The following DLGAP2 variants were observed in gnomAD, a reference collection of about 807,000 sequenced individuals.
DLGAP2 encodes DLG associated protein 2.
In DLGAP2, 26 loss-of-function variants were observed where a neutral mutation model predicts 100.3. The ratio of observed to expected loss-of-function variants is 0.26; its 90% confidence interval spans 0.19 to 0.36. The LOEUF (loss-of-function observed/expected upper bound fraction) is 0.36. Ranked by LOEUF, DLGAP2 falls within the 10% of genes least tolerant of loss-of-function variation. The pLI is 1.00. For synonymous variants in DLGAP2, 886 were observed against 630.1 expected (o/e 1.41, Z -6.08); for missense variants, 1,858 against 1,453.2 (o/e 1.28, Z -4.53).
At chr8:1,195,711 A>G (rs1373914111) in intron 2 of DLGAP2, among the ~76,000 whole-genome samples, 3 of 152,130 alleles carry the variant, frequency 2.0e-5, no homozygotes, top group Non-Finnish European at 4.4e-5. Context: ...CGTGTGTTGT[A>G]TGTCAGAACG....
chr8:1,115,181 G>A (rs906290075), intron 2 of DLGAP2, among the ~76,000 whole-genome samples: 9 of 152,232 alleles, frequency 5.9e-5, no homozygotes, highest in African/African-American at 2.2e-4. Context: ...TTGGGGTAGA[G>A]TGTTCTATAG....
In DLGAP2 at chr8:1,650,061, A is replaced by T. The variant is rs541578846; in HGVS notation, c.1810+17015A>T. ...AATATGCGGGCAGGTTACATTTCCA[A>T]GTCTTTCAGTGGCAGGATATGCTCC... On this transcript the variant is annotated intron_variant, in intron 8 of 14. Transcript: ENST00000637795. Among the ~76,000 whole-genome samples the T allele has an allele frequency of 6.6e-5, 10 of 152,364 alleles. No homozygotes were observed. In the South Asian group the frequency reaches 2.1e-3, roughly 32 times the overall value.
chr8:1,046,187 T>A (rs1416465634), intron 2 of DLGAP2, among the ~76,000 whole-genome samples: 1 of 152,222 alleles, frequency 6.6e-6, no homozygotes, highest in African/African-American at 2.4e-5. Context: ...GTGGGTTTAA[T>A]CACTTTTATT....
intron 3 of DLGAP2, among the ~76,000 whole-genome samples, chr8:1,350,668 C>A (rs201508108): frequency 3.8e-4 from 23 of 60,122 alleles, no homozygotes; most frequent in Non-Finnish European, 4.8e-4. Context: ...AAAGGCCGTG[C>A]GGGTCCTGAG....
chr8:962,506 G>A (rs183503005), intron 2 of DLGAP2, among the ~76,000 whole-genome samples: 55 of 152,274 alleles, frequency 3.6e-4, no homozygotes, highest in Non-Finnish European at 5.3e-4. Context: ...TGGGGTGGGC[G>A]CCTTGAGGGA....
chr8:1,437,124 C>T (rs1339800495), intron 3 of DLGAP2, among the ~76,000 whole-genome samples: 3 of 146,486 alleles, frequency 2.0e-5, no homozygotes, highest in Admixed American at 6.8e-5. Context: ...AGCCCAGGCG[C>T]GTAAGGGTGA....
intron 3 of DLGAP2, among the ~76,000 whole-genome samples, chr8:1,334,817 G>A (rs1405908628): frequency 1.3e-5 from 2 of 151,844 alleles, no homozygotes; most frequent in Non-Finnish European, 2.9e-5. Flanking sequence ...ACGCTGTAAA[G>A]GAAGAGACAC....
At chr8:1,211,115 A>G (rs1798094664) in intron 2 of DLGAP2, among the ~76,000 whole-genome samples, 1 of 152,192 alleles carries the variant, frequency 6.6e-6, no homozygotes, top group South Asian at 2.1e-4. Context: ...TTCCAAGCTT[A>G]TTTTGAACAA....
chr8:1,049,886 A>G (rs1297804570), intron 2 of DLGAP2, among the ~76,000 whole-genome samples: 2 of 152,256 alleles, frequency 1.3e-5, no homozygotes, highest in Non-Finnish European at 2.9e-5. Context: ...ACACAAGTAC[A>G]TATGTGTACA....
chr8:1,029,833 A>G (rs1054112460), intron 2 of DLGAP2, among the ~76,000 whole-genome samples: 13 of 152,220 alleles, frequency 8.5e-5, no homozygotes, highest in Admixed American at 7.2e-4. Flanking sequence ...CAAAGGAGAG[A>G]TGGGTTACTG....
At chr8:1,486,572 C>G (rs1799241389) in intron 3 of DLGAP2, among the ~76,000 whole-genome samples, 1 of 152,230 alleles carries the variant, frequency 6.6e-6, no homozygotes, top group South Asian at 2.1e-4. Context: ...TCCTTAGGAA[C>G]AGTTCAGCAT....
chr8:895,256 C>G (rs574833093), intron 1 of DLGAP2, among the ~76,000 whole-genome samples: 50 of 152,162 alleles, frequency 3.3e-4, no homozygotes, highest in African/African-American at 1.1e-3. Context: ...GTATGCAGGA[C>G]GGATACATCA....
At chr8:1,284,573 C>T (rs2116955894) in intron 3 of DLGAP2, among the ~76,000 whole-genome samples, 1 of 152,298 alleles carries the variant, frequency 6.6e-6, no homozygotes, top group African/African-American at 2.4e-5. Context: ...CTTTTTATTG[C>T]TCTTCTGTCC....
intron 2 of DLGAP2, among the ~76,000 whole-genome samples, chr8:1,090,382 C>T (rs1454005187): frequency 6.6e-6 from 1 of 151,030 alleles, no homozygotes; most frequent in Non-Finnish European, 1.5e-5. Context: ...ACTCACACCC[C>T]GAGGACCTGC....
chr8:1,192,803 C>T (rs1797667789), intron 2 of DLGAP2, among the ~76,000 whole-genome samples: 1 of 151,892 alleles, frequency 6.6e-6, no homozygotes, highest in Admixed American at 6.6e-5. Flanking sequence ...GGTATATCTC[C>T]TAAAGCTATC....
At chr8:1,086,933 A>C (rs1037919840) in intron 2 of DLGAP2, among the ~76,000 whole-genome samples, 1 of 152,220 alleles carries the variant, frequency 6.6e-6, no homozygotes, top group African/African-American at 2.4e-5. Flanking sequence ...GAACATTGCC[A>C]AAAACAGCTA....
intron 3 of DLGAP2, among the ~76,000 whole-genome samples, chr8:1,497,769 G>A (rs187798310): frequency 1.6e-4 from 24 of 152,296 alleles, no homozygotes; most frequent in African/African-American, 5.1e-4. Flanking sequence ...GCTGTCCACG[G>A]GGACATGTTC....
At chr8:957,387 A>C (rs552156322) in intron 2 of DLGAP2, among the ~76,000 whole-genome samples, 1 of 152,318 alleles carries the variant, frequency 6.6e-6, no homozygotes, top group African/African-American at 2.4e-5. Flanking sequence ...GATCTATAGA[A>C]AACGCAGGGC....
chr8:994,954 G>T (rs551338211), intron 2 of DLGAP2, among the ~76,000 whole-genome samples: 32 of 152,196 alleles, frequency 2.1e-4, no homozygotes, highest in Middle Eastern at 3.4e-3. Context: ...GCATCACGGG[G>T]GCAGGGCACA....
Sources: gnomAD v4.1 joint callset for allele counts (sites outside exome capture counted in the v4.1 genomes callset) on GRCh38, gnomAD v4.1.1 for gene constraint, MANE v1.5 for transcripts, NCBI Gene and HGNC (gene_info 2026-07-23, HGNC 2026-07-21) for gene names.